C2CD5: variants seen among roughly 807,000 people sequenced by gnomAD.
C2CD5 encodes C2 domain-containing protein 5.
Under a neutral mutation model 130.3 loss-of-function variants are expected in C2CD5, and 109 were observed. The ratio of observed to expected loss-of-function variants is 0.84; its 90% CI spans 0.72 to 0.98. C2CD5 has a LOEUF of 0.98. Ranked by LOEUF, C2CD5 falls within the 50% of genes least tolerant of loss-of-function variation. C2CD5 has a pLI of 0.00. For missense variants in C2CD5, 996 were observed against 1,261.8 expected (o/e 0.79, Z 3.19); for synonymous variants, 454 against 429.2 (o/e 1.06, Z -0.71).
intron 13 of C2CD5, among the ~76,000 whole-genome samples, chr12:22,483,788 A>G (rs979157910): frequency 6.6e-6 from 1 of 152,182 alleles, no homozygotes; most frequent in Non-Finnish European, 1.5e-5. Flanking sequence ...GGCATGAAGA[A>G]CTGGATAGAG....
chr12:22,449,387 T>C lies in C2CD5; in HGVS notation c.*373A>G, dbSNP rs992528650. 4 of 159,078 alleles carry C rather than the reference T, an allele frequency of 2.5e-5. No individual in the cohort carries two copies. The highest frequency in any genetic ancestry group is 4.2e-5 in the Non-Finnish European group (3 of 72,288). The allele number at this position is 159,078 out of a possible 1,614,324, so 9.9% of individuals were successfully genotyped here. A position where few individuals can be genotyped will look rare whatever the true frequency, so the allele number is the denominator to read the frequency against. On this transcript the variant is annotated 3_prime_UTR_variant, in exon 27 of 27. Coordinates refer to ENST00000446597, the MANE Select transcript of C2CD5 (RefSeq NM_001286176.2). ...CTTACTCACTAGCAACTGGAGAATC[T>C]CTTGCTTAGTTTTTCTAAATTATAC...
In C2CD5 at chr12:22,493,395, T is replaced by C; in HGVS notation, c.1148-58A>G. On this transcript the variant is annotated intron_variant, in intron 10 of 26. Coordinates refer to ENST00000446597, the MANE Select transcript of C2CD5 (RefSeq NM_001286176.2). ...CAATAGCACATTATATATATGAACA[T>C]GAAATGTTTAAAATAAACATACTAT... The C allele has an allele frequency of 8.0e-6, 7 of 872,854 alleles. 1 individual carries two copies. Among genetic ancestry groups the C allele is most frequent in the South Asian group, 4.9e-5 (3 of 61,248 alleles). The allele number at this position is 872,854 out of a possible 1,614,324, so 54.1% of individuals were successfully genotyped here.
At chr12:22,541,557 A>G (rs1366544642) in intron 2 of C2CD5, among the ~76,000 whole-genome samples, 2 of 151,872 alleles carry the variant, frequency 1.3e-5, no homozygotes, top group Non-Finnish European at 2.9e-5. Flanking sequence ...ATTTTCCTTC[A>G]CTTCTTAAAA....
rs1371146796 is a variant in C2CD5, at chr12:22,471,423, A to G, written c.2334T>C (p.Ser778=). Residue 778 remains serine (S), a synonymous_variant, in exon 20 of 27, where the codon TCT becomes TCC. Transcript: ENST00000446597. ...CCTGAATTAATTCATCTTCAGGCAGAGATACTGTAAAATTTACATGGCAAA... is the reference window on the plus strand; with the variant it reads ...CCTGAATTAATTCATCTTCAGGCAGGGATACTGTAAAATTTACATGGCAAA... ...CCLCHVNFTV[S]LPEDELIQVT... 1.3e-6 allele frequency: 2 copies of G among 1,580,152 alleles called. No individual in the cohort carries two copies. Among genetic ancestry groups the G allele is most frequent in the Admixed American group, 3.3e-5 (2 of 59,870 alleles).
At chr12:22,518,257 G>C in intron 7 of C2CD5, 120 bp from the exon 8 acceptor site, 1 of 918,060 alleles carries the variant, frequency 1.1e-6, no homozygotes, top group Non-Finnish European at 1.8e-6. Flanking sequence ...TCTTACGTGT[G>C]GAGCTGGGAA....
At chr12:22,471,932 A>C (rs777592079) in intron 19 of C2CD5, 35 bp downstream of exon 19, 1 of 1,072,690 alleles carries the variant, frequency 9.3e-7, no homozygotes, top group Non-Finnish European at 1.5e-6. Context: ...ATTATTATAG[A>C]CGCATGAAAT....
intron 24 of C2CD5, among the ~76,000 whole-genome samples, chr12:22,458,054 T>C (rs1940313547): frequency 6.6e-6 from 1 of 152,192 alleles, no homozygotes; most frequent in Admixed American, 6.6e-5. Context: ...ATGATTCTGA[T>C]TCTAGCAGTA....
chr12:22,470,699 A>G, intron 21 of C2CD5, 125 bp downstream of exon 21: 1 of 627,038 alleles, frequency 1.6e-6, no homozygotes, highest in Non-Finnish European at 2.8e-6. Flanking sequence ...AAAGATGAAC[A>G]GAAAAAGCAG....
chr12:22,517,669 G>A (rs1403142700), intron 8 of C2CD5, among the ~76,000 whole-genome samples: 1 of 152,122 alleles, frequency 6.6e-6, no homozygotes, highest in African/African-American at 2.4e-5. Flanking sequence ...AGCCACTAGT[G>A]TTACTTTTTA....
chr12:22,526,186 C>G (rs1247358478), intron 4 of C2CD5, among the ~76,000 whole-genome samples: 1 of 152,102 alleles, frequency 6.6e-6, no homozygotes, highest in East Asian at 1.9e-4. Flanking sequence ...AACACGTATG[C>G]ATTAGAATAT....
At chr12:22,519,045 T>C (rs1950031765) in intron 7 of C2CD5, 2 of 1,400,046 alleles carry the variant, frequency 1.4e-6, no homozygotes, top group East Asian at 2.6e-5. Flanking sequence ...ACTACCTGCC[T>C]GCCTGCCTCT....
chr12:22,496,026 A>G (rs1243040904), intron 10 of C2CD5, among the ~76,000 whole-genome samples: 1 of 152,180 alleles, frequency 6.6e-6, no homozygotes, highest in African/African-American at 2.4e-5. Context: ...TTATATTAAC[A>G]ATTATCTACA....
intron 6 of C2CD5, 69 bp from the exon 7 acceptor site, chr12:22,523,693 T>C (rs1217147960): frequency 8.8e-7 from 1 of 1,132,656 alleles, no homozygotes; most frequent in Non-Finnish European, 1.2e-6. Context: ...CTGGACATGG[T>C]AGTGGTAAAA....
chr12:22,497,748 C>A (rs929864135), intron 10 of C2CD5: 1 of 161,128 alleles, frequency 6.2e-6, no homozygotes. Context: ...AAATACAGAG[C>A]AAACGTCAAG....
chr12:22,494,801 T>A (rs1007918296), intron 10 of C2CD5, among the ~76,000 whole-genome samples: 2 of 152,130 alleles, frequency 1.3e-5, no homozygotes, highest in African/African-American at 2.4e-5. Context: ...GTGAACCTAT[T>A]TTACACAAAT....
At chr12:22,492,082 C>T (rs1032244576) in intron 11 of C2CD5, among the ~76,000 whole-genome samples, 3 of 152,078 alleles carry the variant, frequency 2.0e-5, no homozygotes, top group Non-Finnish European at 4.4e-5. Flanking sequence ...GAAAAGCCCA[C>T]AGAAGATTAA....
Position 22,520,269 on chromosome 12 carries a change from C to T in C2CD5, c.801-2132G>A, listed in dbSNP as rs568254946. Among the ~76,000 whole-genome samples, 99 of 152,164 alleles carry T rather than the reference C, an allele frequency of 6.5e-4. 1 individual carries two copies. The South Asian group carries it at 7.5e-3, about 11-fold the overall frequency. ...AAACTATCATCCCCATTTTTTAGAA[C>T]GCAAATTAAAGGCAGGCAAAGAGCC... On this transcript the variant is annotated intron_variant, in intron 7 of 26. Coordinates refer to ENST00000446597, the MANE Select transcript of C2CD5 (RefSeq NM_001286176.2).
intron 21 of C2CD5, 112 bp from the exon 22 acceptor site, chr12:22,469,907 C>T: frequency 1.8e-6 from 1 of 563,384 alleles, no homozygotes; most frequent in Non-Finnish European, 3.0e-6. Context: ...TCTCCCCACC[C>T]CAATTTATTC....
chr12:22,482,648 A>G lies in C2CD5; in HGVS notation c.1646T>C (p.Leu549Pro), dbSNP rs1285870659. The G allele has an allele frequency of 6.2e-7, 1 of 1,612,654 alleles. No homozygotes were observed. Among genetic ancestry groups the G allele is most frequent in the Non-Finnish European group, 8.5e-7 (1 of 1,178,730 alleles). ...TCCTTTGAGTTTTAGTTTATTCATT[A>G]GCTGAGTATGCACTTCATATTCCAT... ...PFMEYEVHTQ[L>P]MNKLKLKGMN... Residue 549 changes from leucine to proline, a missense_variant, in exon 14 of 27, where the codon CTA (leucine) becomes CCA (proline). Transcript: ENST00000446597.
Sources: gnomAD v4.1 joint callset for allele counts (sites outside exome capture counted in the v4.1 genomes callset) on GRCh38, gnomAD v4.1.1 for gene constraint, MANE v1.5 for transcripts, NCBI Gene and HGNC (gene_info 2026-07-23, HGNC 2026-07-21) for gene names.